DCC: variants seen among roughly 807,000 people sequenced by gnomAD.
The protein encoded by DCC is DCC netrin 1 receptor.
In DCC, 58 loss-of-function variants were observed where a neutral mutation model predicts 172.5. That is an observed-to-expected ratio of 0.34 (90% CI 0.27 to 0.42). The LOEUF is 0.42. Among genes scored for constraint, DCC ranks in the 10% least tolerant of loss-of-function variants. The probability of loss-of-function intolerance (pLI) is 1.00; values close to 1 mark genes in which losing one functional copy is unlikely to be tolerated. For synonymous variants in DCC, 709 were observed against 644.5 expected (o/e 1.10, Z -1.52); for missense variants, 1,740 against 1,791.0 (o/e 0.97, Z 0.51).
At chr18:53,036,237 G>A (rs946551200) in intron 5 of DCC, among the ~76,000 whole-genome samples, 1 of 151,934 alleles carries the variant, frequency 6.6e-6, no homozygotes, top group African/African-American at 2.4e-5. Flanking sequence ...CACAATTTAT[G>A]GTATAGTCAG....
intron 1 of DCC, among the ~76,000 whole-genome samples, chr18:52,358,288 C>G (rs1179012201): frequency 6.6e-6 from 1 of 152,188 alleles, no homozygotes; most frequent in Admixed American, 6.5e-5. Flanking sequence ...GTCCGTAAAA[C>G]TTAATAATGG....
At chr18:52,638,825 T>C (rs1262474134) in intron 1 of DCC, among the ~76,000 whole-genome samples, 1 of 151,974 alleles carries the variant, frequency 6.6e-6, no homozygotes, top group East Asian at 1.9e-4. Context: ...AAAGAAACAA[T>C]GGATTTAAAC....
chr18:53,172,488 A>T (rs895815460), intron 8 of DCC, among the ~76,000 whole-genome samples: 4 of 152,320 alleles, frequency 2.6e-5, no homozygotes, highest in Admixed American at 2.6e-4. Flanking sequence ...TTTAAAAAAT[A>T]AAATACAGAA....
At chr18:52,987,720 C>A (rs2041318135) in intron 5 of DCC, among the ~76,000 whole-genome samples, 1 of 152,114 alleles carries the variant, frequency 6.6e-6, no homozygotes, top group African/African-American at 2.4e-5. Context: ...TTCCTGGGAC[C>A]ACAAGCATGG....
At chr18:53,304,917 T>A (rs2057181586) in intron 12 of DCC, among the ~76,000 whole-genome samples, 1 of 152,182 alleles carries the variant, frequency 6.6e-6, no homozygotes. Flanking sequence ...AATTCCTACC[T>A]GTCATGGGAG....
chr18:53,206,539 T>C (rs1056932401), intron 10 of DCC, among the ~76,000 whole-genome samples: 7 of 144,348 alleles, frequency 4.8e-5, no homozygotes, highest in Admixed American at 4.3e-4. Flanking sequence ...ATAATACATA[T>C]CTATGTATAT....
chr18:52,875,334 TG>T (rs572642713), intron 2 of DCC, among the ~76,000 whole-genome samples: 59 of 152,292 alleles, frequency 3.9e-4, no homozygotes, highest in South Asian at 1.4e-3. Context: ...AATGTATTGC[TG>T]CAACCTGGCC....
At chr18:52,935,740 T>C (rs2040371674) in intron 5 of DCC, among the ~76,000 whole-genome samples, 1 of 152,108 alleles carries the variant, frequency 6.6e-6, no homozygotes, top group African/African-American at 2.4e-5. Context: ...ATCAACCATG[T>C]TGAGTTTTAG....
intron 22 of DCC, among the ~76,000 whole-genome samples, chr18:53,446,719 T>C (rs900809620): frequency 6.6e-6 from 1 of 152,230 alleles, no homozygotes; most frequent in African/African-American, 2.4e-5. Context: ...GCAAAAATTT[T>C]GGGTTGCCCA....
chr18:52,511,556 G>T (rs181067986), intron 1 of DCC, among the ~76,000 whole-genome samples: 6 of 152,216 alleles, frequency 3.9e-5, no homozygotes, highest in East Asian at 1.9e-4. Context: ...GAGGACCTGG[G>T]GGGCAGAGGA....
chr18:52,805,162 C>T (rs1474812866), intron 2 of DCC, among the ~76,000 whole-genome samples: 1 of 152,116 alleles, frequency 6.6e-6, no homozygotes, highest in African/African-American at 2.4e-5. Context: ...GACAAGTGCC[C>T]AGTGTGCAGG....
chr18:52,751,644 A>G (rs2145131986), intron 1 of DCC, among the ~76,000 whole-genome samples: 1 of 152,334 alleles, frequency 6.6e-6, no homozygotes, highest in Non-Finnish European at 1.5e-5. Context: ...AATGGATGCC[A>G]TAATCAGAAT....
intron 22 of DCC, among the ~76,000 whole-genome samples, chr18:53,439,283 A>G (rs1912124184): frequency 6.6e-6 from 1 of 152,344 alleles, no homozygotes; most frequent in African/African-American, 2.4e-5. Flanking sequence ...AAGCTTTAAA[A>G]GGGGGGTATG....
intron 1 of DCC, among the ~76,000 whole-genome samples, chr18:52,707,580 G>C (rs1294152763): frequency 3.3e-5 from 5 of 152,082 alleles, no homozygotes; most frequent in Non-Finnish European, 7.4e-5. Context: ...TCATTCAAGG[G>C]CTATTCACAA....
intron 2 of DCC, among the ~76,000 whole-genome samples, chr18:52,904,857 C>T (rs1345026379): frequency 2.0e-5 from 3 of 152,122 alleles, no homozygotes; most frequent in African/African-American, 7.2e-5. Context: ...GAATAGCAAA[C>T]ATAAATAATT....
At position 53,112,926 on chromosome 18, in the gene DCC, A is replaced by G. The variant is rs1477395314; in HGVS notation, c.1262-44430A>G. ...CCTTTTTGCTTAATTTTAAAATTGG[A>G]ATTAAAATACTGACTTACATTTTGA... is the stretch of plus-strand genomic sequence containing the variant. On this transcript the variant is annotated intron_variant, in intron 7 of 28. Coordinates refer to ENST00000442544, the MANE Select transcript of DCC (RefSeq NM_005215.4). Among the ~76,000 whole-genome samples, 4 of 151,658 alleles carry G rather than the reference A, an allele frequency of 2.6e-5. No homozygotes were observed. The East Asian group carries it at 7.8e-4, about 30-fold the overall frequency.
At chr18:53,399,001 G>C (rs1909132796) in intron 18 of DCC, among the ~76,000 whole-genome samples, 1 of 152,086 alleles carries the variant, frequency 6.6e-6, no homozygotes, top group South Asian at 2.1e-4. Flanking sequence ...ACCATATGGG[G>C]CTACACCATT....
chr18:52,856,067 TAG>T (rs1239991110), intron 2 of DCC, among the ~76,000 whole-genome samples: 1 of 151,580 alleles, frequency 6.6e-6, no homozygotes, highest in African/African-American at 2.4e-5. Context: ...GCCCCGCCAT[TAG>T]AGTCTAAATT....
At chr18:52,436,515 G>A (rs185932303) in intron 1 of DCC, among the ~76,000 whole-genome samples, 29 of 152,236 alleles carry the variant, frequency 1.9e-4, no homozygotes, top group Non-Finnish European at 2.9e-4. Context: ...TCACTATCTC[G>A]GACCTACCAA....
Sources: gnomAD v4.1 joint callset for allele counts (sites outside exome capture counted in the v4.1 genomes callset) on GRCh38, gnomAD v4.1.1 for gene constraint, MANE v1.5 for transcripts, NCBI Gene and HGNC (gene_info 2026-07-23, HGNC 2026-07-21) for gene names.